Variants in TACR1 observed in about 807,000 individuals in gnomAD.
TACR1 encodes the protein tachykinin receptor 1, also known as substance-P receptor.
Under a neutral mutation model 35.8 loss-of-function variants are expected in TACR1, and 25 were observed. That is an observed-to-expected ratio of 0.70 (90% CI 0.51 to 0.98). The LOEUF (loss-of-function observed/expected upper bound fraction) is 0.98, where lower values mean the gene tolerates loss of function less well. TACR1 is among the 50% of genes least tolerant of loss of function. TACR1 has a pLI of 0.00. For missense variants in TACR1, 478 were observed against 522.9 expected, an observed-to-expected ratio of 0.91 and a Z score of 0.84; for synonymous variants, 195 against 206.7, an observed-to-expected ratio of 0.94 and a Z score of 0.48.
intron 2 of TACR1, among the ~76,000 whole-genome samples, chr2:75,091,868 G>T (rs1280625788): frequency 1.3e-5 from 2 of 152,188 alleles, no homozygotes; most frequent in African/African-American, 4.8e-5. Flanking sequence ...GCCCACATGG[G>T]GAAGAAGCAG....
intron 1 of TACR1, among the ~76,000 whole-genome samples, chr2:75,160,476 G>C (rs190522926): frequency 6.6e-6 from 1 of 151,966 alleles, no homozygotes; most frequent in Non-Finnish European, 1.5e-5. Context: ...GTTCTGACTG[G>C]AAATCAAAGG....
At chr2:75,135,333 A>G (rs1440720297) in intron 1 of TACR1, among the ~76,000 whole-genome samples, 2 of 152,272 alleles carry the variant, frequency 1.3e-5, no homozygotes, top group Non-Finnish European at 2.9e-5. Flanking sequence ...ACAAGATAAT[A>G]TGCATGAAGG....
At chr2:75,161,490 G>C (rs1455462138) in intron 1 of TACR1, among the ~76,000 whole-genome samples, 2 of 152,046 alleles carry the variant, frequency 1.3e-5, no homozygotes, top group Non-Finnish European at 2.9e-5. Context: ...AATCAATACA[G>C]TTTTATTTTT....
intron 2 of TACR1, among the ~76,000 whole-genome samples, chr2:75,054,103 C>T (rs1181877431): frequency 6.6e-6 from 1 of 152,112 alleles, no homozygotes; most frequent in Admixed American, 6.5e-5. Flanking sequence ...TATCACTTGC[C>T]CCACACCACC....
At chr2:75,083,524 C>G (rs1673132767) in intron 2 of TACR1, among the ~76,000 whole-genome samples, 1 of 152,110 alleles carries the variant, frequency 6.6e-6, no homozygotes, top group African/African-American at 2.4e-5. Context: ...GGCAGTATGG[C>G]CATTTTCGTG....
At chr2:75,185,375 A>G (rs1452596864) in intron 1 of TACR1, among the ~76,000 whole-genome samples, 1 of 152,222 alleles carries the variant, frequency 6.6e-6, no homozygotes, top group East Asian at 1.9e-4. Context: ...AGGCAGATAG[A>G]TATAACAACA....
intron 2 of TACR1, among the ~76,000 whole-genome samples, chr2:75,117,777 A>G (rs1673894030): frequency 6.6e-6 from 1 of 152,246 alleles, no homozygotes; most frequent in South Asian, 2.1e-4. Context: ...CATATAACAC[A>G]GATCCTATTT....
intron 1 of TACR1, among the ~76,000 whole-genome samples, chr2:75,151,305 G>A (rs2103965571): frequency 6.6e-6 from 1 of 152,264 alleles, no homozygotes; most frequent in Middle Eastern, 3.4e-3. Flanking sequence ...CCGATCACAG[G>A]CCCAGAGGCC....
intron 2 of TACR1, among the ~76,000 whole-genome samples, chr2:75,108,687 A>G (rs1386669869): frequency 2.6e-5 from 4 of 152,178 alleles, no homozygotes; most frequent in Non-Finnish European, 4.4e-5. Flanking sequence ...AAAGATGGAG[A>G]CAAAATCATT....
Position 75,198,850 on chromosome 2 carries a change from C to T in TACR1, c.85G>A (p.Ala29Thr), listed in dbSNP as rs1323400882. 1.9e-6 allele frequency: 3 copies of T among 1,614,012 alleles called. No homozygotes were observed. Among genetic ancestry groups the T allele is most frequent in the African/African-American group, 1.3e-5 (1 of 74,922 alleles). Residue 29 changes from alanine (A) to threonine (T), a missense_variant, in exon 1 of 5, where the codon GCC (alanine) becomes ACC (threonine). Coordinates refer to ENST00000305249, the MANE Select transcript of TACR1 (RefSeq NM_001058.4). ...GCTGCCCAAAGGACAATTTGCCAGG[C>T]TGGTTGCACGAACTGATTGGGTTCC... ...TSEPNQFVQP[A>T]WQIVLWAAAY... is the part of the protein sequence containing the mutation.
intron 2 of TACR1, among the ~76,000 whole-genome samples, chr2:75,081,080 C>A (rs548584671): frequency 1.3e-5 from 2 of 152,236 alleles, no homozygotes; most frequent in East Asian, 3.9e-4. Context: ...AATGGGCATG[C>A]CAATCAATGC....
chr2:75,173,452 T>C (rs762175551), intron 1 of TACR1, among the ~76,000 whole-genome samples: 3 of 152,200 alleles, frequency 2.0e-5, no homozygotes, highest in Non-Finnish European at 4.4e-5. Context: ...TATTAATGAC[T>C]TTTGGGGTTA....
At chr2:75,052,221 G>C (rs1166796629) in intron 3 of TACR1, among the ~76,000 whole-genome samples, 2 of 152,056 alleles carry the variant, frequency 1.3e-5, no homozygotes, top group East Asian at 3.9e-4. Flanking sequence ...TTAAATTAGT[G>C]CCCTTATAAA....
intron 1 of TACR1, among the ~76,000 whole-genome samples, chr2:75,197,001 T>C (rs34737027): frequency 0.018 from 2,754 of 152,350 alleles, 28 homozygotes; most frequent in Non-Finnish European, 0.024. Context: ...AAGGAGCATG[T>C]CAATGCAGAA....
At chr2:75,094,749 T>G (rs1227991396) in intron 2 of TACR1, among the ~76,000 whole-genome samples, 1 of 150,962 alleles carries the variant, frequency 6.6e-6, no homozygotes, top group Non-Finnish European at 1.5e-5. Context: ...ATGAGAGATG[T>G]GCCATTTGCA....
intron 1 of TACR1, among the ~76,000 whole-genome samples, chr2:75,129,950 A>G (rs1421760443): frequency 6.6e-6 from 1 of 152,174 alleles, no homozygotes; most frequent in Non-Finnish European, 1.5e-5. Context: ...CTTCTCCCAC[A>G]GATCTCTTTT....
intron 2 of TACR1, among the ~76,000 whole-genome samples, chr2:75,108,209 AAGAC>A (rs1673687767): frequency 6.6e-6 from 1 of 152,096 alleles, no homozygotes; most frequent in Non-Finnish European, 1.5e-5. Flanking sequence ...AAATCTGACA[AAGAC>A]AGCACACAGA....
At chr2:75,191,334 G>A (rs994906439) in intron 1 of TACR1, among the ~76,000 whole-genome samples, 1 of 152,138 alleles carries the variant, frequency 6.6e-6, no homozygotes, top group South Asian at 2.1e-4. Flanking sequence ...ACAAGTAAAG[G>A]AGAGAGTGCA....
intron 2 of TACR1, among the ~76,000 whole-genome samples, chr2:75,113,623 C>T (rs1673797361): frequency 6.8e-6 from 1 of 147,814 alleles, no homozygotes; most frequent in Non-Finnish European, 1.5e-5. Context: ...TAGCATCTTC[C>T]CCTGCAGTGT....
Sources: gnomAD v4.1 joint callset for allele counts (sites outside exome capture counted in the v4.1 genomes callset) on GRCh38, gnomAD v4.1.1 for gene constraint, MANE v1.5 for transcripts, NCBI Gene and HGNC (gene_info 2026-07-23, HGNC 2026-07-21) for gene names.